The following WNT7A variants were observed in gnomAD, a reference collection of about 807,000 sequenced individuals.
WNT7A encodes Wnt family member 7A.
WNT7A carries 16 observed loss-of-function variants against 28.2 expected under a neutral mutation model. The ratio of observed to expected loss-of-function variants is 0.57; its 90% confidence interval spans 0.38 to 0.86. The LOEUF (loss-of-function observed/expected upper bound fraction) is 0.86, where lower values mean the gene tolerates loss of function less well. Ranked by LOEUF, WNT7A falls within the 40% of genes least tolerant of loss-of-function variation. The pLI is 0.00. For synonymous variants in WNT7A, 190 were observed against 195.9 expected (o/e 0.97, Z 0.25); for missense variants, 411 against 489.7 (o/e 0.84, Z 1.52).
Position 13,877,116 on chromosome 3 carries a change from C to T in WNT7A, c.72-1943G>A, listed in dbSNP as rs1695120989. 3 of 152,214 alleles carry T rather than the reference C, an allele frequency of 2.0e-5. No homozygotes were observed. The South Asian group carries it at 6.2e-4, about 32-fold the overall frequency. 9.4% of individuals were successfully genotyped at this position (152,214 alleles called of 1,614,324 possible). On this transcript the variant is annotated intron_variant, in intron 1 of 3. Transcript: ENST00000285018. ...AGTACCTATTACATGGCAGGTGCCCCCCAAATATGCATCAAATGCATCAGT... is the reference window on the plus strand; with the variant it reads ...AGTACCTATTACATGGCAGGTGCCCTCCAAATATGCATCAAATGCATCAGT...
chr3:13,870,162 T>C (rs1338804964), intron 2 of WNT7A, among the ~76,000 whole-genome samples: 1 of 152,226 alleles, frequency 6.6e-6, no homozygotes, highest in Admixed American at 6.5e-5. Context: ...CTCATTGCTG[T>C]GAACTGAGTC....
At chr3:13,827,802 C>T (rs932917542) in intron 3 of WNT7A, among the ~76,000 whole-genome samples, 1 of 152,160 alleles carries the variant, frequency 6.6e-6, no homozygotes, top group African/African-American at 2.4e-5. Context: ...GAACACACTG[C>T]TTGCTGTCAT....
rs1694003195 is a variant in WNT7A at position 13,816,377 on chromosome 3, A to G, written c.*2567T>C. ...AGGTGGAGAAACTGGGGCTCAGAGC[A>G]CAGCTGAACAGGGCACCCGAGAGAG... On this transcript the variant is annotated 3_prime_UTR_variant, in exon 4 of 4. Transcript: ENST00000285018. 1 of 152,270 alleles carries G rather than the reference A, an allele frequency of 6.6e-6. No homozygotes were observed. 9.4% of individuals were successfully genotyped at this position (152,270 alleles called of 1,614,324 possible). A position where few individuals can be genotyped will look rare whatever the true frequency, so the allele number is the denominator to read the frequency against.
At chr3:13,850,014 C>T (rs1350952589) in intron 3 of WNT7A, among the ~76,000 whole-genome samples, 3 of 152,186 alleles carry the variant, frequency 2.0e-5, no homozygotes, top group Non-Finnish European at 4.4e-5. Flanking sequence ...GGAAAGAAGC[C>T]CCTGCCATGG....
Position 13,854,596 on chromosome 3 carries a change from G to A in WNT7A, c.506C>T (p.Ala169Val). The A allele has an allele frequency of 6.2e-7, 1 of 1,614,142 alleles. No individual in the cohort carries two copies. ...CCGGGCATTCTGCTTGATCTCCCGG[G>A]CATCCACAAAGACCTTGGCGAAGCC... ...GIGFAKVFVD[A>V]REIKQNARTL... Residue 169 changes from alanine to valine, a missense_variant, in exon 3 of 4, where the codon GCC becomes GTC. By Grantham distance (64) the Ala-to-Val change is moderately conservative. Transcript: ENST00000285018.
chr3:13,876,363 C>G (rs1331801154), intron 1 of WNT7A, among the ~76,000 whole-genome samples: 1 of 152,212 alleles, frequency 6.6e-6, no homozygotes, highest in African/African-American at 2.4e-5. Context: ...GTGCATCAGG[C>G]AGCACCAGGA....
chr3:13,865,034 A>G (rs1347353096), intron 2 of WNT7A, among the ~76,000 whole-genome samples: 5 of 152,172 alleles, frequency 3.3e-5, no homozygotes, highest in Admixed American at 6.5e-5. Flanking sequence ...GTAGATTCCA[A>G]GTTGACCTAT....
intron 2 of WNT7A, 142 bp downstream of exon 2, chr3:13,874,805 T>G: frequency 2.4e-6 from 2 of 848,246 alleles, no homozygotes; most frequent in Non-Finnish European, 1.9e-6. Context: ...GAGTCCTGAA[T>G]GCAAGTCAAT....
At chr3:13,873,780 G>A (rs1343364578) in intron 2 of WNT7A, among the ~76,000 whole-genome samples, 3 of 152,192 alleles carry the variant, frequency 2.0e-5, no homozygotes, top group Admixed American at 6.5e-5. Flanking sequence ...AGGGTCAGGG[G>A]CATGGGGCTG....
intron 1 of WNT7A, 36 bp downstream of exon 1, chr3:13,879,710 C>G: frequency 6.2e-7 from 1 of 1,607,606 alleles, no homozygotes; most frequent in East Asian, 2.2e-5. Context: ...CCAACTTTGT[C>G]GAAACACGCG....
At chr3:13,840,596 T>TCATCCGTC in intron 3 of WNT7A, among the ~76,000 whole-genome samples, 1 of 150,206 alleles carries the variant, frequency 6.7e-6, no homozygotes, top group African/African-American at 2.5e-5. Flanking sequence ...AGCTATTCAT[T>TCATCCGTC]CATCCATCCA....
chr3:13,854,930 G>A lies in WNT7A; in HGVS notation c.299-127C>T, dbSNP rs549088952. ...CTCTCCAAAGCTCGACTGAGTACCCGTTCCTAACTTCCAACAAAGCTCCCT... is the reference window on the plus strand; with the variant it reads ...CTCTCCAAAGCTCGACTGAGTACCCATTCCTAACTTCCAACAAAGCTCCCT... On this transcript the variant is annotated intron_variant, in intron 2 of 3. Coordinates refer to ENST00000285018, the MANE Select transcript of WNT7A (RefSeq NM_004625.4). The A allele has an allele frequency of 5.2e-4, 659 of 1,273,698 alleles. 1 individual carries two copies. The highest frequency in any genetic ancestry group is 2.6e-3 in the Middle Eastern group (10 of 3,794). The allele number at this position is 1,273,698 out of a possible 1,614,324, so 78.9% of individuals were successfully genotyped here.
In WNT7A at chr3:13,843,335, T is replaced by G. The variant is rs534427566; in HGVS notation, c.570+11197A>C. 5.9e-5 allele frequency among the ~76,000 whole-genome samples: 9 copies of G among 152,326 alleles called. No homozygotes were observed. In the South Asian group the frequency reaches 1.7e-3, roughly 28 times the overall value. Reference sequence around the variant, plus strand: ...CGTAGGACGAGGCACTCCAGGGGCATTATCTCATGCAATCTGCACAACAGC... The same window carrying G: ...CGTAGGACGAGGCACTCCAGGGGCAGTATCTCATGCAATCTGCACAACAGC... On this transcript the variant is annotated intron_variant, in intron 3 of 3. Transcript: ENST00000285018.
At chr3:13,868,856 G>C (rs1694975864) in intron 2 of WNT7A, among the ~76,000 whole-genome samples, 1 of 145,742 alleles carries the variant, frequency 6.9e-6, no homozygotes, top group Non-Finnish European at 1.5e-5. Flanking sequence ...AAGTGAGAGA[G>C]AGAGAGAAAG....
intron 2 of WNT7A, among the ~76,000 whole-genome samples, chr3:13,865,256 G>A (rs2124870298): frequency 6.6e-6 from 1 of 152,304 alleles, no homozygotes; most frequent in Non-Finnish European, 1.5e-5. Flanking sequence ...CTCTCCAGGA[G>A]CAGGGAGTAT....
At chr3:13,854,053 C>T (rs1306289492) in intron 3 of WNT7A, among the ~76,000 whole-genome samples, 1 of 152,090 alleles carries the variant, frequency 6.6e-6, no homozygotes, top group Non-Finnish European at 1.5e-5. Flanking sequence ...AGGACACCAT[C>T]CTGGGGCAGA....
chr3:13,843,136 C>T (rs1694488461), intron 3 of WNT7A, among the ~76,000 whole-genome samples: 1 of 152,192 alleles, frequency 6.6e-6, no homozygotes, highest in South Asian at 2.1e-4. Context: ...TCTGCTAGCA[C>T]ACTCTACAGC....
intron 3 of WNT7A, among the ~76,000 whole-genome samples, chr3:13,836,840 AG>A (rs1403354333): frequency 6.6e-6 from 1 of 152,232 alleles, no homozygotes; most frequent in Admixed American, 6.5e-5. Context: ...CCTGAGCAGG[AG>A]TGCAATGCCC....
chr3:13,877,978 T>C (rs55821787), intron 1 of WNT7A, among the ~76,000 whole-genome samples: 25,743 of 152,200 alleles, frequency 0.17, 2,424 homozygotes, highest in Middle Eastern at 0.24. Flanking sequence ...ACCCCTCATG[T>C]CCACTATACA....
Sources: allele counts gnomAD v4.1 joint callset (sites outside exome capture counted in the v4.1 genomes callset), GRCh38; gene constraint gnomAD v4.1.1; transcripts MANE v1.5; gene names NCBI Gene and HGNC (gene_info 2026-07-23, HGNC 2026-07-21).